Variants in EMSY observed in about 807,000 individuals in gnomAD.
The protein encoded by EMSY is BRCA2-interacting transcriptional repressor EMSY.
In EMSY, 26 loss-of-function variants were observed where a neutral mutation model predicts 134.6. That is an observed-to-expected ratio of 0.19 (90% confidence interval 0.14 to 0.27). The LOEUF is 0.27. Among genes scored for constraint, EMSY ranks in the 10% least tolerant of loss-of-function variants. The pLI is 1.00. For missense variants in EMSY, 1,305 were observed against 1,611.4 expected (o/e 0.81, Z 3.26); for synonymous variants, 579 against 577.8 (o/e 1.00, Z -0.03).
chr11:76,534,718 A>G (rs1292354337), intron 14 of EMSY, among the ~76,000 whole-genome samples: 1 of 152,114 alleles, frequency 6.6e-6, no homozygotes, highest in Non-Finnish European at 1.5e-5. Context: ...TCCCAATTCA[A>G]AGCAGCCTCT....
chr11:76,460,124 T>C, intron 6 of EMSY, 39 bp downstream of exon 7: 2 of 1,606,880 alleles, frequency 1.2e-6, no homozygotes, highest in Non-Finnish European at 1.7e-6. Flanking sequence ...CCTTCTTGGC[T>C]AAATGCTGCA....
chr11:76,502,664 A>G (rs886118861), intron 9 of EMSY, among the ~76,000 whole-genome samples: 1 of 152,118 alleles, frequency 6.6e-6, no homozygotes. Context: ...GCAATATACA[A>G]TCTAAAAAGT....
At chr11:76,447,370 A>C (rs1947462180) in intron 2 of EMSY, among the ~76,000 whole-genome samples, 1 of 152,190 alleles carries the variant, frequency 6.6e-6, no homozygotes. Context: ...TTACAGATGA[A>C]GCTTAGAAGC....
rs1444201999 is a variant in EMSY, at chr11:76,496,201, C to T, written c.1109-14C>T. ...TCCTATCAAATTCTCTTTTCCCTTACTCCTTTTCTACAGGTGTATCTACAT... is the reference window on the plus strand; with the variant it reads ...TCCTATCAAATTCTCTTTTCCCTTATTCCTTTTCTACAGGTGTATCTACAT... On this transcript the variant is annotated splice_polypyrimidine_tract_variant and intron_variant, in intron 8 of 20. Transcript: ENST00000334736. 44 of 1,597,080 alleles carry T rather than the reference C, an allele frequency of 2.8e-5. No individual in the cohort carries two copies. Among genetic ancestry groups the T allele is most frequent in the Non-Finnish European group, 3.6e-5 (42 of 1,170,452 alleles).
At chr11:76,494,921 A>G (rs968789177) in intron 8 of EMSY, among the ~76,000 whole-genome samples, 2 of 151,992 alleles carry the variant, frequency 1.3e-5, no homozygotes, top group African/African-American at 4.8e-5. Flanking sequence ...TTTTTAGTAG[A>G]GATGGGGTTT....
intron 14 of EMSY, among the ~76,000 whole-genome samples, chr11:76,533,009 T>C (rs533046591): frequency 6.6e-6 from 1 of 152,186 alleles, no homozygotes; most frequent in South Asian, 2.1e-4. Flanking sequence ...CATGGAACCC[T>C]TTTTTTGCAG....
intron 9 of EMSY, among the ~76,000 whole-genome samples, chr11:76,512,004 G>T (rs1950295328): frequency 6.6e-6 from 1 of 152,014 alleles, no homozygotes; most frequent in African/African-American, 2.4e-5. Flanking sequence ...TAACAACTTT[G>T]TTGGCTACAA....
intron 12 of EMSY, among the ~76,000 whole-genome samples, chr11:76,524,076 A>G (rs1330593621): frequency 6.6e-6 from 1 of 152,140 alleles, no homozygotes; most frequent in Non-Finnish European, 1.5e-5. Flanking sequence ...AATAAATAAC[A>G]GATTCATTTA....
intron 8 of EMSY, among the ~76,000 whole-genome samples, chr11:76,490,855 GGT>G (rs61555535): frequency 3.4e-3 from 511 of 148,514 alleles, no homozygotes; most frequent in African/African-American, 0.011. Flanking sequence ...ATTGCTAGGG[GGT>G]GTGTGTGTGT....
intron 8 of EMSY, among the ~76,000 whole-genome samples, chr11:76,474,376 A>T (rs1182109925): frequency 2.0e-5 from 3 of 152,226 alleles, no homozygotes; most frequent in Non-Finnish European, 4.4e-5. Context: ...ATTAGTTTTC[A>T]TTGAGTTTTA....
chr11:76,503,844 G>A (rs1215790609), intron 9 of EMSY, among the ~76,000 whole-genome samples: 1 of 152,150 alleles, frequency 6.6e-6, no homozygotes, highest in Non-Finnish European at 1.5e-5. Flanking sequence ...GCGTGTAGTG[G>A]CACGGTCTTG....
At chr11:76,538,953 G>A (rs1035607132) in intron 16 of EMSY, among the ~76,000 whole-genome samples, 1 of 152,110 alleles carries the variant, frequency 6.6e-6, no homozygotes, top group Non-Finnish European at 1.5e-5. Flanking sequence ...GGGAGACTCT[G>A]TCTCAAAATA....
chr11:76,528,534 G>T, intron 14 of EMSY, 68 bp downstream of exon 15: 1 of 1,219,996 alleles, frequency 8.2e-7, no homozygotes, highest in Non-Finnish European at 1.2e-6. Context: ...TAAAATAGAG[G>T]TTGCTTCTAC....
At chr11:76,532,857 G>A (rs2508756) in intron 14 of EMSY, among the ~76,000 whole-genome samples, 61,046 of 151,898 alleles carry the variant, frequency 0.4, 12,678 homozygotes, top group South Asian at 0.51. Context: ...ATCTCAGTAC[G>A]TCAAGGTGAG....
Position 76,546,326 on chromosome 11 carries a change from TTG to T in EMSY, c.3774+32_3774+33del, listed in dbSNP as rs1185102539. ...AGAATTGGAAGGAAAATGAGAAATCTTGTGCATCTTGGGGGTTGTGGGTTTGT... is the reference window on the plus strand; with the variant it reads ...AGAATTGGAAGGAAAATGAGAAATCTTGCATCTTGGGGGTTGTGGGTTTGT... On this transcript the variant is annotated intron_variant, in intron 20 of 20. Coordinates refer to ENST00000334736, the Ensembl canonical transcript of EMSY. 1.9e-6 allele frequency: 3 copies of T among 1,581,842 alleles called. No homozygotes were observed. In the Admixed American group the frequency reaches 5.3e-5, roughly 28 times the overall value.
intron 8 of EMSY, among the ~76,000 whole-genome samples, chr11:76,479,025 T>C (rs1206716047): frequency 6.6e-6 from 1 of 152,024 alleles, no homozygotes; most frequent in Non-Finnish European, 1.5e-5. Context: ...TTTGTCCCCA[T>C]GAACTATATA....
exon 18 of EMSY, chr11:76,542,364 G>T: frequency 6.2e-7 from 1 of 1,613,858 alleles, no homozygotes; most frequent in Non-Finnish European, 8.5e-7. Flanking sequence ...ACATTATGCA[G>T]CAGGTTGTAT....
intron 19 of EMSY, among the ~76,000 whole-genome samples, chr11:76,545,171 C>A (rs1390642642): frequency 6.6e-6 from 1 of 152,068 alleles, no homozygotes; most frequent in African/African-American, 2.4e-5. Context: ...ACTCTGATTT[C>A]TGTGGTAATA....
downstream of EMSY, chr11:76,553,023 T>TG (rs1196794747): frequency 8.5e-5 from 13 of 152,340 alleles, no homozygotes; most frequent in East Asian, 2.3e-3. Flanking sequence ...CACATTTTGT[T>TG]TACCCGTTTA....
Sources: gnomAD v4.1 joint callset for allele counts (sites outside exome capture counted in the v4.1 genomes callset) on GRCh38, gnomAD v4.1.1 for gene constraint, MANE v1.5 for transcripts, NCBI Gene and HGNC (gene_info 2026-07-23, HGNC 2026-07-21) for gene names.